COL5A2: variants seen among roughly 807,000 people sequenced by gnomAD.
The protein encoded by COL5A2 is collagen type V alpha 2 chain.
Under a neutral mutation model 208.2 loss-of-function variants are expected in COL5A2, and 23 were observed. The ratio of observed to expected loss-of-function variants is 0.11; its 90% CI spans 0.08 to 0.16. The LOEUF (loss-of-function observed/expected upper bound fraction) is 0.16. COL5A2 is among the 10% of genes least tolerant of loss of function. COL5A2 has a pLI of 1.00. For synonymous variants in COL5A2, 625 were observed against 628.5 expected (o/e 0.99, Z 0.08); for missense variants, 1,590 against 1,956.4 (o/e 0.81, Z 3.53).
the COL5A2 span, among the ~76,000 whole-genome samples, chr2:189,284,461 C>T: frequency 1.2e-4 from 19 of 152,150 alleles, no homozygotes; most frequent in Middle Eastern, 3.4e-3. Flanking sequence ...CATCTTACTA[C>T]GGCAGAGCAA....
Position 189,051,282 on chromosome 2 carries a change from C to T in COL5A2, c.2931+38G>A, listed in dbSNP as rs370595882. The T allele has an allele frequency of 2.5e-6, 4 of 1,613,186 alleles. No individual in the cohort carries two copies. The African/African-American group carries it at 5.3e-5, about 22-fold the overall frequency. On this transcript the variant is annotated intron_variant, in intron 42 of 53. Coordinates refer to ENST00000374866, the MANE Select transcript of COL5A2 (RefSeq NM_000393.5). ...TATGGGTTTCTATTTGTAAATATCT[C>T]AGTTGAAGGTGGTCTGGAACGGATA...
chr2:189,305,425 C>T, the COL5A2 span, among the ~76,000 whole-genome samples: 1 of 152,208 alleles, frequency 6.6e-6, no homozygotes, highest in Non-Finnish European at 1.5e-5. Flanking sequence ...ATAAAAGAGA[C>T]TTCACAATAT....
intron 1 of COL5A2, among the ~76,000 whole-genome samples, chr2:189,111,431 A>G (rs1687258083): frequency 6.6e-6 from 1 of 152,156 alleles, no homozygotes; most frequent in South Asian, 2.1e-4. Flanking sequence ...CTTCCTTATA[A>G]AGGCTAAAGA....
At chr2:189,270,003 T>C in the COL5A2 span, among the ~76,000 whole-genome samples, 1 of 152,192 alleles carries the variant, frequency 6.6e-6, no homozygotes, top group Non-Finnish European at 1.5e-5. Context: ...TTCTTCTAGA[T>C]TTTCTAGTTT....
intron 1 of COL5A2, among the ~76,000 whole-genome samples, chr2:189,167,245 A>G (rs1158250560): frequency 6.6e-6 from 1 of 152,222 alleles, no homozygotes; most frequent in Non-Finnish European, 1.5e-5. Flanking sequence ...GCAACTTTAC[A>G]AGATGTATTT....
At chr2:189,138,574 C>G (rs1687870242) in intron 1 of COL5A2, among the ~76,000 whole-genome samples, 1 of 152,148 alleles carries the variant, frequency 6.6e-6, no homozygotes, top group Non-Finnish European at 1.5e-5. Flanking sequence ...ATGAACACAC[C>G]TAGGTCCCAG....
At chr2:189,113,824 G>A (rs1160441772) in intron 1 of COL5A2, among the ~76,000 whole-genome samples, 1 of 151,616 alleles carries the variant, frequency 6.6e-6, no homozygotes, top group Non-Finnish European at 1.5e-5. Flanking sequence ...AAAACAAGAT[G>A]ACACGTAATG....
intron 1 of COL5A2, among the ~76,000 whole-genome samples, chr2:189,120,222 A>G (rs946063298): frequency 1.3e-5 from 2 of 152,156 alleles, no homozygotes; most frequent in Non-Finnish European, 1.5e-5. Context: ...AAGCTGCAAA[A>G]GATAATGAAT....
At chr2:189,262,851 T>C in the COL5A2 span, among the ~76,000 whole-genome samples, 1 of 152,128 alleles carries the variant, frequency 6.6e-6, no homozygotes, top group Non-Finnish European at 1.5e-5. Context: ...TTATAATAAG[T>C]AGGACAATAT....
chr2:189,352,785 T>C, the COL5A2 span, among the ~76,000 whole-genome samples: 6 of 152,320 alleles, frequency 3.9e-5, no homozygotes, highest in Non-Finnish European at 5.9e-5. Context: ...AGAAGCTCTG[T>C]AGTTTAATTA....
chr2:189,058,166 T>C (rs1460192835), intron 33 of COL5A2, among the ~76,000 whole-genome samples: 28 of 152,180 alleles, frequency 1.8e-4, no homozygotes, highest in Admixed American at 1.8e-3. Context: ...TACATAAACA[T>C]TAGAAATGTG....
At chr2:189,140,992 T>C (rs1313829836) in intron 1 of COL5A2, among the ~76,000 whole-genome samples, 2 of 152,178 alleles carry the variant, frequency 1.3e-5, no homozygotes, top group African/African-American at 2.4e-5. Flanking sequence ...CCACTTAAGA[T>C]TTAAAAATAC....
chr2:189,167,590 T>C (rs904089931), intron 1 of COL5A2, among the ~76,000 whole-genome samples: 4 of 147,540 alleles, frequency 2.7e-5, no homozygotes, highest in African/African-American at 9.9e-5. Flanking sequence ...AAGCCACAAA[T>C]AAAAAACTTG....
the COL5A2 span, among the ~76,000 whole-genome samples, chr2:189,310,998 T>G: frequency 6.6e-6 from 1 of 151,990 alleles, no homozygotes; most frequent in Admixed American, 6.6e-5. Flanking sequence ...TAGGAGTGGC[T>G]GGCTGGAGTT....
chr2:189,050,855 A>G (rs961618413), intron 42 of COL5A2, among the ~76,000 whole-genome samples, 179 bp from the exon 43 acceptor site: 8 of 152,212 alleles, frequency 5.3e-5, no homozygotes, highest in Non-Finnish European at 1.0e-4. Context: ...AACCTCTAAC[A>G]TTATTTAAAG....
At chr2:189,134,131 T>C (rs1250098635) in intron 1 of COL5A2, among the ~76,000 whole-genome samples, 2 of 152,210 alleles carry the variant, frequency 1.3e-5, no homozygotes, top group African/African-American at 4.8e-5. Flanking sequence ...ATTGGTATAC[T>C]TGCCCTCCAT....
rs1420523761 is a variant in COL5A2 at position 189,068,854 on chromosome 2, G to T, written c.1189C>A (p.Pro397Thr). ...GEAGPTGARGPEGPQGQRGET... is the reference protein window; with the variant it reads ...GEAGPTGARGTEGPQGQRGET... The stretch of plus-strand genomic sequence containing the variant: ...CCTCTCTGCCCCTGAGGACCTTCAG[G>T]GCCTCGCGCCCCTGTAGGACCTGCT... The change falls in exon 19 of 54, where the codon CCT (proline) becomes ACT (threonine). Residue 397 changes from proline to threonine, a missense_variant. Pro to Thr is a conservative substitution (Grantham distance 38, BLOSUM62 -1). Coordinates refer to ENST00000374866, the MANE Select transcript of COL5A2 (RefSeq NM_000393.5). 3 of 1,613,162 alleles carry T rather than the reference G, an allele frequency of 1.9e-6. No homozygotes were observed. In the South Asian group the frequency reaches 3.3e-5, roughly 18 times the overall value.
the COL5A2 span, among the ~76,000 whole-genome samples, chr2:189,353,831 T>C: frequency 6.6e-6 from 1 of 152,166 alleles, no homozygotes; most frequent in Non-Finnish European, 1.5e-5. Flanking sequence ...CTATGTTGAA[T>C]AGGAGTGGTG....
At chr2:189,329,934 AAG>A in the COL5A2 span, among the ~76,000 whole-genome samples, 1 of 152,110 alleles carries the variant, frequency 6.6e-6, no homozygotes, top group Admixed American at 6.6e-5. Context: ...TATGAGCGGT[AAG>A]AGAGAGGAAA....
Sources: gnomAD v4.1 joint callset for allele counts (sites outside exome capture counted in the v4.1 genomes callset) on GRCh38, gnomAD v4.1.1 for gene constraint, MANE v1.5 for transcripts, NCBI Gene and HGNC (gene_info 2026-07-23, HGNC 2026-07-21) for gene names.